The following TASP1 variants were observed in gnomAD, a reference collection of about 807,000 sequenced individuals.
The protein encoded by TASP1 is taspase 1.
A neutral mutation model predicts 56.6 loss-of-function variants in TASP1; 16 were observed. That is an observed-to-expected ratio of 0.28 (90% CI 0.19 to 0.43). The LOEUF (loss-of-function observed/expected upper bound fraction) is 0.43. Ranked by LOEUF, TASP1 falls within the 20% of genes least tolerant of loss-of-function variation. The pLI is 1.00. For missense variants in TASP1, 393 were observed against 511.6 expected (o/e 0.77, Z 2.24); for synonymous variants, 179 against 184.2 (o/e 0.97, Z 0.23).
chr20:13,311,573 G>A, the TASP1 span, among the ~76,000 whole-genome samples: 11 of 152,194 alleles, frequency 7.2e-5, no homozygotes, highest in Admixed American at 7.2e-4. Context: ...GGGAAATGTG[G>A]TATGTTCACA....
At chr20:13,618,568 T>C (rs1462370658) in intron 4 of TASP1, among the ~76,000 whole-genome samples, 1 of 152,212 alleles carries the variant, frequency 6.6e-6, no homozygotes, top group East Asian at 1.9e-4. Flanking sequence ...CCCTAGAGTT[T>C]ACAAGCAAGC....
chr20:13,408,301 T>C (rs1298697864), intron 13 of TASP1, among the ~76,000 whole-genome samples: 1 of 152,202 alleles, frequency 6.6e-6, no homozygotes, highest in Non-Finnish European at 1.5e-5. Flanking sequence ...GGATCATTTG[T>C]TGGCAATGAC....
At chr20:13,477,029 T>A (rs1396068114) in intron 11 of TASP1, among the ~76,000 whole-genome samples, 1 of 152,188 alleles carries the variant, frequency 6.6e-6, no homozygotes, top group African/African-American at 2.4e-5. Flanking sequence ...TTATATTTTT[T>A]AAATATTCTA....
At chr20:13,415,767 A>C (rs1394545307) in intron 13 of TASP1, among the ~76,000 whole-genome samples, 2 of 152,302 alleles carry the variant, frequency 1.3e-5, no homozygotes, top group African/African-American at 2.4e-5. Context: ...GATAACAAAA[A>C]ATTTCCACAC....
At chr20:13,476,500 C>T (rs2042955114) in intron 11 of TASP1, among the ~76,000 whole-genome samples, 2 of 152,098 alleles carry the variant, frequency 1.3e-5, no homozygotes, top group Admixed American at 1.3e-4. Flanking sequence ...ATGCAAGTTC[C>T]TATATTTCCT....
the TASP1 span, among the ~76,000 whole-genome samples, chr20:13,321,967 A>G: frequency 6.6e-6 from 1 of 152,160 alleles, no homozygotes. Context: ...TATGATCATA[A>G]CGATACTGTT....
chr20:13,631,944 T>C (rs915914865), intron 1 of TASP1, among the ~76,000 whole-genome samples: 2 of 151,008 alleles, frequency 1.3e-5, no homozygotes, highest in African/African-American at 4.9e-5. Flanking sequence ...TCCCAGCTAC[T>C]TGGGAGGCTG....
intron 4 of TASP1, among the ~76,000 whole-genome samples, chr20:13,590,646 TTA>T (rs2047489729): frequency 2.0e-5 from 3 of 151,942 alleles, no homozygotes; most frequent in Non-Finnish European, 2.9e-5. Flanking sequence ...GGCGGGAGGA[TTA>T]CAAGGTCAGG....
chr20:13,274,670 GC>G, the TASP1 span, among the ~76,000 whole-genome samples: 7 of 23,430 alleles, frequency 3.0e-4, no homozygotes, highest in South Asian at 1.8e-3. Flanking sequence ...TCCACTCCCC[GC>G]CCCCCCCGCG....
intron 4 of TASP1, among the ~76,000 whole-genome samples, chr20:13,590,728 T>C (rs1315335631): frequency 2.0e-5 from 3 of 152,092 alleles, no homozygotes; most frequent in East Asian, 1.9e-4. Context: ...TAGCTGGGCA[T>C]GGTGGTGCTC....
At chr20:13,584,196 T>C (rs2047222717) in intron 5 of TASP1, among the ~76,000 whole-genome samples, 1 of 152,232 alleles carries the variant, frequency 6.6e-6, no homozygotes, top group Non-Finnish European at 1.5e-5. Flanking sequence ...AGGAACAATT[T>C]GAAGTCATTT....
intron 10 of TASP1, among the ~76,000 whole-genome samples, chr20:13,489,498 C>T (rs2146554633): frequency 6.6e-6 from 1 of 151,844 alleles, no homozygotes; most frequent in African/African-American, 2.4e-5. Flanking sequence ...AAGGACCATC[C>T]ATGGCCACTG....
rs142342922 is a variant in TASP1 at position 13,461,141 on chromosome 20, C to T, written c.985+22086G>A. On this transcript the variant is annotated intron_variant, in intron 11 of 13. Coordinates refer to ENST00000337743, the MANE Select transcript of TASP1 (RefSeq NM_017714.3). ...CACATGCTGTTCCCTCTGTCTGGTA[C>T]GTTCTTCCCTCCACTGGCCACATGG... 1.3e-3 allele frequency among the ~76,000 whole-genome samples: 204 copies of T among 152,230 alleles called. 1 individual carries two copies. In the Middle Eastern group the frequency reaches 0.014, roughly 10 times the overall value.
At chr20:13,362,592 C>T in the TASP1 span, among the ~76,000 whole-genome samples, 1 of 151,486 alleles carries the variant, frequency 6.6e-6, no homozygotes, top group East Asian at 1.9e-4. Flanking sequence ...TTTGCTGACT[C>T]TCTTTTCGGA....
intron 11 of TASP1, among the ~76,000 whole-genome samples, chr20:13,482,119 T>C (rs2043160324): frequency 1.3e-5 from 2 of 152,286 alleles, no homozygotes; most frequent in Admixed American, 6.5e-5. Context: ...AGGAGTCTAG[T>C]TTCATTCTTC....
chr20:13,214,554 CACACACACAGAG>C, the TASP1 span, among the ~76,000 whole-genome samples: 20 of 105,262 alleles, frequency 1.9e-4, no homozygotes, highest in African/African-American at 6.9e-4. Flanking sequence ...CACACACACA[CACACACACAGAG>C]AGAGAGAGAG....
the TASP1 span, among the ~76,000 whole-genome samples, chr20:13,376,232 C>T: frequency 1.0e-3 from 158 of 152,104 alleles, no homozygotes; most frequent in African/African-American, 3.7e-3. Context: ...GTGTATAATC[C>T]ATCTTGAGTT....
intron 11 of TASP1, among the ~76,000 whole-genome samples, chr20:13,447,047 T>C (rs2043438089): frequency 6.6e-6 from 1 of 152,170 alleles, no homozygotes; most frequent in Admixed American, 6.6e-5. Context: ...CTATAGGACA[T>C]ATTTCTAAAC....
the TASP1 span, among the ~76,000 whole-genome samples, chr20:13,126,999 T>C: frequency 6.6e-6 from 1 of 152,262 alleles, no homozygotes; most frequent in Admixed American, 6.5e-5. Flanking sequence ...TGCGTGTGTG[T>C]GCGCGCACGT....
Sources: allele counts gnomAD v4.1 joint callset (sites outside exome capture counted in the v4.1 genomes callset), GRCh38; gene constraint gnomAD v4.1.1; transcripts MANE v1.5; gene names NCBI Gene and HGNC (gene_info 2026-07-23, HGNC 2026-07-21).